The following HEATR5B variants were observed in gnomAD, a reference collection of about 807,000 sequenced individuals.
The protein encoded by HEATR5B is HEAT repeat containing 5B.
A neutral mutation model predicts 224.1 loss-of-function variants in HEATR5B; 156 were observed. The ratio of observed to expected loss-of-function variants is 0.70; its 90% CI spans 0.61 to 0.80. HEATR5B has a LOEUF of 0.80. Ranked by LOEUF, HEATR5B falls within the 30% of genes least tolerant of loss-of-function variation. The probability of loss-of-function intolerance (pLI) is 0.00; values close to 1 mark genes in which losing one functional copy is unlikely to be tolerated. For missense variants in HEATR5B, 2,323 were observed against 2,535.5 expected, an observed-to-expected ratio of 0.92 and a Z score of 1.80; for synonymous variants, 1,027 against 893.0, an observed-to-expected ratio of 1.15 and a Z score of -2.68.
rs773821916 is a variant in HEATR5B at position 37,060,747 on chromosome 2, T to C, written c.1697-14A>G. The C allele has an allele frequency of 1.0e-5, 16 of 1,607,830 alleles. No individual in the cohort carries two copies. The highest frequency in any genetic ancestry group is 1.3e-5 in the Non-Finnish European group (15 of 1,176,440). ...CGACAGATGGTCCTAGCCAAGAAAA[T>C]GAGAATACAAAACCATGTATATGTA... On this transcript the variant is annotated splice_polypyrimidine_tract_variant and intron_variant, in intron 11 of 35. Transcript: ENST00000233099.
chr2:37,021,614 C>A (rs1443287229), intron 24 of HEATR5B, among the ~76,000 whole-genome samples: 4 of 152,048 alleles, frequency 2.6e-5, no homozygotes, highest in Admixed American at 2.6e-4. Flanking sequence ...CTAGGCAGGG[C>A]GAAGTGGCTC....
chr2:37,057,605 A>T (rs911088959), intron 14 of HEATR5B, 125 bp from the exon 15 acceptor site: 4 of 499,100 alleles, frequency 8.0e-6, no homozygotes, highest in South Asian at 3.4e-5. Context: ...TCTCTTCTTT[A>T]AAAAAAATCT....
chr2:37,056,225 A>G (rs1167050580), intron 16 of HEATR5B, among the ~76,000 whole-genome samples: 1 of 152,208 alleles, frequency 6.6e-6, no homozygotes, highest in Non-Finnish European at 1.5e-5. Context: ...GCTAGTACAC[A>G]GGGTCAAATC....
chr2:37,036,538 T>C (rs1308753253), intron 21 of HEATR5B, among the ~76,000 whole-genome samples: 1 of 151,836 alleles, frequency 6.6e-6, no homozygotes, highest in Admixed American at 6.6e-5. Context: ...TGAGACAGAG[T>C]TTCACTTTTC....
chr2:37,070,262 C>T lies in HEATR5B; in HGVS notation c.895G>A (p.Val299Ile), dbSNP rs747132603. ...GGEMLKVGGSVNREVRVGVTQ... is the reference protein window; with the variant it reads ...GGEMLKVGGSINREVRVGVTQ... ...ACTCCAACTCTCACTTCACGATTAA[C>T]GGACCCTCCAACTTTTAACATTTCT... Residue 299 changes from valine (V) to isoleucine (I), a missense_variant, in exon 7 of 36, where the codon GTT (valine) becomes ATT (isoleucine). Around this residue, in one of 12 missense-constraint regions of HEATR5B, gnomAD observed 502 missense variants for 517.8 expected, o/e 0.97. Coordinates refer to ENST00000233099, the MANE Select transcript of HEATR5B (RefSeq NM_019024.3). The T allele has an allele frequency of 7.8e-5, 126 of 1,613,962 alleles. No individual in the cohort carries two copies. Among genetic ancestry groups the T allele is most frequent in the Middle Eastern group, 1.6e-4 (1 of 6,084 alleles).
intron 29 of HEATR5B, among the ~76,000 whole-genome samples, chr2:37,006,329 C>A (rs990679604): frequency 1.3e-5 from 2 of 152,106 alleles, no homozygotes; most frequent in Admixed American, 6.6e-5. Flanking sequence ...GCTTCATTAC[C>A]ATGTATAAAT....
At chr2:36,999,007 G>A (rs772008802) in intron 33 of HEATR5B, among the ~76,000 whole-genome samples, 1 of 152,166 alleles carries the variant, frequency 6.6e-6, no homozygotes, top group South Asian at 2.1e-4. Context: ...GAGGTCAGGA[G>A]TTCAAGACCA....
intron 26 of HEATR5B, among the ~76,000 whole-genome samples, chr2:37,015,117 T>C (rs1307365773): frequency 6.6e-6 from 1 of 152,218 alleles, no homozygotes; most frequent in Non-Finnish European, 1.5e-5. Flanking sequence ...GAAAGATTAA[T>C]TCTAGCAGGA....
chr2:37,060,412 T>A (rs1331589641), intron 12 of HEATR5B, among the ~76,000 whole-genome samples, 169 bp downstream of exon 12: 1 of 152,178 alleles, frequency 6.6e-6, no homozygotes, highest in Admixed American at 6.6e-5. Flanking sequence ...TATTACAAAA[T>A]TAGCAAACTG....
intron 18 of HEATR5B, among the ~76,000 whole-genome samples, chr2:37,047,873 C>G (rs1344611148): frequency 6.6e-6 from 1 of 152,128 alleles, no homozygotes; most frequent in South Asian, 2.1e-4. Context: ...TCTGCCAAAT[C>G]TAAGACACCA....
At chr2:37,043,151 C>T (rs1046559036) in intron 18 of HEATR5B, among the ~76,000 whole-genome samples, 4 of 152,226 alleles carry the variant, frequency 2.6e-5, no homozygotes, top group Admixed American at 1.3e-4. Context: ...AAATCAGCTG[C>T]GGACAAGGCA....
intron 18 of HEATR5B, among the ~76,000 whole-genome samples, chr2:37,045,969 C>T (rs977706038): frequency 1.3e-5 from 2 of 152,078 alleles, no homozygotes; most frequent in Non-Finnish European, 2.9e-5. Flanking sequence ...CCTGTTATTC[C>T]ACCACTAATG....
At chr2:36,984,236 AT>A (rs1245976365) in intron 35 of HEATR5B, among the ~76,000 whole-genome samples, 3 of 133,676 alleles carry the variant, frequency 2.2e-5, no homozygotes, top group South Asian at 2.6e-4. Flanking sequence ...ATATATATAT[AT>A]AAAACTGGAA....
At chr2:36,989,899 CTTTTTTTTTTTT>C (rs766148486) in intron 34 of HEATR5B, among the ~76,000 whole-genome samples, 43 of 88,912 alleles carry the variant, frequency 4.8e-4, no homozygotes, top group Non-Finnish European at 5.8e-4. Context: ...AGAATGTTTC[CTTTTTTTTTTTT>C]TTTTTTTTTT....
At position 36,987,627 on chromosome 2, in the gene HEATR5B, T is replaced by C. The variant is rs777579047; in HGVS notation, c.5911+1019A>G. Among the ~76,000 whole-genome samples, 161 of 152,196 alleles carry C rather than the reference T, an allele frequency of 1.1e-3. 3 individuals are homozygous for C. Among genetic ancestry groups the C allele is most frequent in the Admixed American group, 7.9e-4 (12 of 15,270 alleles). On this transcript the variant is annotated intron_variant, in intron 35 of 35. Coordinates refer to ENST00000233099, the MANE Select transcript of HEATR5B (RefSeq NM_019024.3). ...GCATAAGTTTCTGGTTAAATGGATG[T>C]ATGCAGTAGTTTTTCATTAAATTAA... is the stretch of plus-strand genomic sequence containing the variant.
At chr2:37,069,018 C>G (rs1274911407) in intron 7 of HEATR5B, 88 bp from the exon 8 acceptor site, 5 of 1,309,480 alleles carry the variant, frequency 3.8e-6, no homozygotes, top group African/African-American at 1.5e-5. Context: ...TAACTGATAA[C>G]AGCATGCTGA....
At chr2:36,984,215 A>AAAAAAAAAAAAAAAATAT in intron 35 of HEATR5B, among the ~76,000 whole-genome samples, 7 of 77,642 alleles carry the variant, frequency 9.0e-5, no homozygotes, top group African/African-American at 4.1e-4. Context: ...AAAAAAAAAA[A>AAAAAAAAAAAAAAAATAT]ATATATATAT....
At chr2:37,060,374 C>T (rs1671208279) in intron 12 of HEATR5B, among the ~76,000 whole-genome samples, 1 of 152,102 alleles carries the variant, frequency 6.6e-6, no homozygotes. Flanking sequence ...CAGGTCTAAA[C>T]ACTTTTTCAG....
chr2:37,037,770 A>T, intron 21 of HEATR5B, 85 bp downstream of exon 21: 1 of 906,226 alleles, frequency 1.1e-6, no homozygotes, highest in Non-Finnish European at 1.5e-6. Flanking sequence ...AAATATATAT[A>T]GCTAGTATGT....
Sources: allele counts gnomAD v4.1 joint callset (sites outside exome capture counted in the v4.1 genomes callset), GRCh38; gene constraint gnomAD v4.1.1; regional missense constraint gnomAD v4.1.1; transcripts MANE v1.5; gene names NCBI Gene and HGNC (gene_info 2026-07-23, HGNC 2026-07-21).